Variants in MARCHF1 observed in about 807,000 individuals in gnomAD.
MARCHF1 encodes the protein E3 ubiquitin-protein ligase MARCHF1.
MARCHF1 carries 40 observed loss-of-function variants against 54.2 expected under a neutral mutation model. That is an observed-to-expected ratio of 0.74 (90% confidence interval 0.57 to 0.96). MARCHF1 has a LOEUF of 0.96. Ranked by LOEUF, MARCHF1 falls within the 40% of genes least tolerant of loss-of-function variation. The probability of loss-of-function intolerance (pLI) is 0.00; values close to 1 mark genes in which losing one functional copy is unlikely to be tolerated. For synonymous variants in MARCHF1, 236 were observed against 236.3 expected (o/e 1.00, Z 0.01); for missense variants, 586 against 656.5 (o/e 0.89, Z 1.17).
chr4:163,632,632 T>A (rs549438296), intron 5 of MARCHF1, among the ~76,000 whole-genome samples: 2 of 152,118 alleles, frequency 1.3e-5, no homozygotes, highest in Non-Finnish European at 1.5e-5. Flanking sequence ...AGCACAGCAG[T>A]CTGAGATCAA....
At chr4:164,244,623 G>A (rs1167033912) in intron 1 of MARCHF1, among the ~76,000 whole-genome samples, 2 of 148,196 alleles carry the variant, frequency 1.3e-5, no homozygotes, top group African/African-American at 4.9e-5. Context: ...AGAACTGAAG[G>A]AAATAGAGAC....
At chr4:164,260,269 T>C (rs1242630135) in intron 1 of MARCHF1, among the ~76,000 whole-genome samples, 3 of 152,078 alleles carry the variant, frequency 2.0e-5, no homozygotes. Flanking sequence ...CCCAGGTATT[T>C]TTAACCTTAT....
intron 2 of MARCHF1, among the ~76,000 whole-genome samples, chr4:164,073,621 G>T (rs981403428): frequency 2.0e-5 from 3 of 151,706 alleles, no homozygotes; most frequent in East Asian, 3.9e-4. Context: ...ATGTACCCCA[G>T]AACTTAAAGT....
intron 3 of MARCHF1, among the ~76,000 whole-genome samples, chr4:163,890,117 G>C (rs1191086453): frequency 7.2e-6 from 1 of 138,306 alleles, no homozygotes; most frequent in African/African-American, 2.8e-5. Context: ...TGTATTTTTA[G>C]TAGAGACAGG....
At chr4:164,073,678 G>T (rs796444060) in intron 2 of MARCHF1, among the ~76,000 whole-genome samples, 2 of 151,940 alleles carry the variant, frequency 1.3e-5, no homozygotes, top group African/African-American at 4.8e-5. Flanking sequence ...GAATATAAAG[G>T]CCTCTGAATA....
rs114282191 is a variant in MARCHF1 at position 163,939,563 on chromosome 4, T to C, written c.-39+48938A>G. ...CATCCACATAGCTCTCCATTGCTCC[T>C]TGCCATCAGTTTACCAACTCTGATA... On this transcript the variant is annotated intron_variant, in intron 3 of 9. Coordinates refer to ENST00000514618, the MANE Select transcript of MARCHF1 (RefSeq NM_001394959.1). Among the ~76,000 whole-genome samples, 1,112 of 152,308 alleles carry C rather than the reference T, an allele frequency of 7.3e-3. 8 individuals are homozygous for C. Among genetic ancestry groups the C allele is most frequent in the Non-Finnish European group, 0.012 (815 of 68,020 alleles).
At chr4:163,964,407 T>G (rs1357567698) in intron 3 of MARCHF1, among the ~76,000 whole-genome samples, 8 of 151,790 alleles carry the variant, frequency 5.3e-5, no homozygotes, top group African/African-American at 1.9e-4. Flanking sequence ...GTGAGTTACG[T>G]TATGACAGTT....
chr4:164,286,949 T>A (rs1734165786), intron 1 of MARCHF1, among the ~76,000 whole-genome samples: 1 of 149,898 alleles, frequency 6.7e-6, no homozygotes, highest in Admixed American at 6.6e-5. Context: ...AAATCCTGGG[T>A]TTCAGTTCTC....
chr4:164,018,495 A>T (rs1753593634), intron 2 of MARCHF1, among the ~76,000 whole-genome samples: 1 of 152,044 alleles, frequency 6.6e-6, no homozygotes, highest in South Asian at 2.1e-4. Flanking sequence ...TAATAGGAAG[A>T]CAATCTAATA....
At chr4:163,677,126 T>C (rs1232874063) in intron 5 of MARCHF1, among the ~76,000 whole-genome samples, 1 of 152,210 alleles carries the variant, frequency 6.6e-6, no homozygotes, top group East Asian at 1.9e-4. Flanking sequence ...AGGTTAACAA[T>C]TGTCGTTTGA....
At chr4:164,086,924 AAACT>A (rs956090371) in intron 2 of MARCHF1, among the ~76,000 whole-genome samples, 2 of 152,124 alleles carry the variant, frequency 1.3e-5, no homozygotes, top group African/African-American at 4.8e-5. Flanking sequence ...AATCAAATAA[AAACT>A]AACCTTAAAA....
chr4:164,273,569 G>A lies in MARCHF1; in HGVS notation c.-323+110301C>T, dbSNP rs150064756. On this transcript the variant is annotated intron_variant, in intron 1 of 9. Transcript: ENST00000514618. ...AACCAGAAAGTAATAAACCATCTAC[G>A]CTAAGACATAAAATTCAGTTGTTTA... 9.7e-4 allele frequency among the ~76,000 whole-genome samples: 148 copies of A among 152,198 alleles called. 1 individual carries two copies. In the East Asian group the frequency reaches 0.027, roughly 28 times the overall value.
intron 4 of MARCHF1, among the ~76,000 whole-genome samples, chr4:163,838,765 T>C (rs2047160): frequency 0.83 from 126,404 of 151,970 alleles, 53,617 homozygotes; most frequent in South Asian, 0.96. Context: ...AAGTGTATCA[T>C]AGACCTAAAT....
At chr4:163,986,246 C>A (rs1235544080) in intron 3 of MARCHF1, among the ~76,000 whole-genome samples, 3 of 73,774 alleles carry the variant, frequency 4.1e-5, no homozygotes, top group East Asian at 3.9e-4. Context: ...TAATTAACCT[C>A]TTCTTTTTTT....
chr4:164,092,435 T>C (rs1001462384), intron 2 of MARCHF1, among the ~76,000 whole-genome samples: 1 of 152,150 alleles, frequency 6.6e-6, no homozygotes, highest in Non-Finnish European at 1.5e-5. Context: ...GTGGGGGAGC[T>C]GACTGAGGGC....
At chr4:164,004,799 A>G (rs1753254394) in intron 2 of MARCHF1, among the ~76,000 whole-genome samples, 1 of 152,076 alleles carries the variant, frequency 6.6e-6, no homozygotes, top group Non-Finnish European at 1.5e-5. Flanking sequence ...GAAATAAATA[A>G]AAATAAAAGA....
chr4:164,293,229 A>C lies in MARCHF1; in HGVS notation c.-323+90641T>G, dbSNP rs148864639. Among the ~76,000 whole-genome samples, 655 of 152,258 alleles carry C rather than the reference A, an allele frequency of 4.3e-3. 5 individuals are homozygous for C. Among genetic ancestry groups the C allele is most frequent in the African/African-American group, 0.015 (623 of 41,562 alleles). On this transcript the variant is annotated intron_variant, in intron 1 of 9. Transcript: ENST00000514618. The stretch of plus-strand genomic sequence containing the variant: ...GCAACCTAACTTAGCATGTGGAAAA[A>C]AAAAAATCCCTGCAACCTAAGTATA...
At chr4:163,807,768 T>C (rs1443306344) in intron 4 of MARCHF1, among the ~76,000 whole-genome samples, 2 of 151,646 alleles carry the variant, frequency 1.3e-5, no homozygotes, top group Non-Finnish European at 1.5e-5. Context: ...TACCCCCAAA[T>C]ATGGTGGTAA....
intron 2 of MARCHF1, among the ~76,000 whole-genome samples, chr4:164,061,888 T>C (rs975011501): frequency 6.6e-6 from 1 of 152,156 alleles, no homozygotes; most frequent in East Asian, 1.9e-4. Context: ...TAGTGGTTGT[T>C]GCAGACTGAG....
Sources: allele counts gnomAD v4.1 joint callset (sites outside exome capture counted in the v4.1 genomes callset), GRCh38; gene constraint gnomAD v4.1.1; transcripts MANE v1.5; gene names NCBI Gene and HGNC (gene_info 2026-07-23, HGNC 2026-07-21).